BARD1: variants seen among roughly 807,000 people sequenced by gnomAD.
The protein encoded by BARD1 is BRCA1-associated RING domain protein 1.
Under a neutral mutation model 77.0 loss-of-function variants are expected in BARD1, and 73 were observed. The observed-to-expected ratio is 0.95, with a 90% CI of 0.79 to 1.15. The LOEUF is 1.15. Ranked by LOEUF, BARD1 falls within the 50% of genes most tolerant of loss-of-function variation. The pLI, the probability that BARD1 is intolerant of heterozygous loss-of-function variation, is 0.00. For synonymous variants in BARD1, 384 were observed against 338.0 expected, an observed-to-expected ratio of 1.14 and a Z score of -1.49; for missense variants, 993 against 938.8, an observed-to-expected ratio of 1.06 and a Z score of -0.75.
chr2:214,785,670 A>C (rs1695239249), intron 3 of BARD1, among the ~76,000 whole-genome samples: 1 of 151,886 alleles, frequency 6.6e-6, no homozygotes, highest in Non-Finnish European at 1.5e-5. Context: ...CTGGCACTCT[A>C]TCTCTCCACA....
In BARD1 at chr2:214,796,906, T is replaced by C. The variant is rs1245605539; in HGVS notation, c.215+155A>G. Reference sequence around the variant, plus strand: ...TTCTTATTTGTAAATTAAGACACAGTTTTAAAGATCAAACTAAGATAATGT... The same window carrying C: ...TTCTTATTTGTAAATTAAGACACAGCTTTAAAGATCAAACTAAGATAATGT... On this transcript the variant is annotated intron_variant, in intron 2 of 10. Transcript: ENST00000260947. 15 of 675,034 alleles carry C rather than the reference T, an allele frequency of 2.2e-5. No individual in the cohort carries two copies. The African/African-American group carries it at 2.3e-4, about 10-fold the overall frequency. The allele number at this position is 675,034 out of a possible 1,614,324, so 41.8% of individuals were successfully genotyped here. A position where few individuals can be genotyped will look rare whatever the true frequency, so the allele number is the denominator to read the frequency against.
At chr2:214,730,364 A>G in intron 10 of BARD1, 47 bp downstream of exon 10, 2 of 1,494,166 alleles carry the variant, frequency 1.3e-6, no homozygotes, top group African/African-American at 2.8e-5. Flanking sequence ...TGATAATAAT[A>G]GTATGTCATA....
At chr2:214,765,826 C>A (rs1228580375) in intron 6 of BARD1, among the ~76,000 whole-genome samples, 1 of 151,998 alleles carries the variant, frequency 6.6e-6, no homozygotes, top group Non-Finnish European at 1.5e-5. Context: ...TATCTTATAA[C>A]CTGTGATGAG....
intron 7 of BARD1, among the ~76,000 whole-genome samples, chr2:214,751,073 G>T: frequency 8.5e-6 from 1 of 117,164 alleles, no homozygotes; most frequent in African/African-American, 3.4e-5. Flanking sequence ...CTTTCTCTGT[G>T]AAATTCTGTG....
chr2:214,798,347 A>C (rs1402310373), intron 1 of BARD1, among the ~76,000 whole-genome samples: 2 of 152,102 alleles, frequency 1.3e-5, no homozygotes, highest in Non-Finnish European at 1.5e-5. Flanking sequence ...ACGTACAGAT[A>C]AAAATATGAC....
At chr2:214,761,302 A>T (rs1476805827) in intron 6 of BARD1, among the ~76,000 whole-genome samples, 1 of 149,148 alleles carries the variant, frequency 6.7e-6, no homozygotes, top group South Asian at 2.1e-4. Flanking sequence ...AAAAAAAAAA[A>T]GCATTCTGAT....
intron 9 of BARD1, among the ~76,000 whole-genome samples, chr2:214,739,475 T>G (rs78309157): frequency 0.018 from 2,716 of 152,250 alleles, 49 homozygotes; most frequent in East Asian, 0.084. Flanking sequence ...GATTATATTT[T>G]AGACTTTTTA....
At chr2:214,789,126 CAAAG>C (rs1695405216) in intron 3 of BARD1, among the ~76,000 whole-genome samples, 2 of 152,006 alleles carry the variant, frequency 1.3e-5, no homozygotes, top group African/African-American at 4.8e-5. Context: ...ATCAAAGTAG[CAAAG>C]AAAGATACTA....
At chr2:214,746,965 G>C (rs1220376794) in intron 7 of BARD1, among the ~76,000 whole-genome samples, 1 of 152,014 alleles carries the variant, frequency 6.6e-6, no homozygotes, top group African/African-American at 2.4e-5. Context: ...ATCTGACAAA[G>C]GGCTAATATC....
intron 4 of BARD1, among the ~76,000 whole-genome samples, chr2:214,778,651 T>G (rs1263856274): frequency 1.3e-5 from 2 of 152,130 alleles, no homozygotes; most frequent in African/African-American, 4.8e-5. Context: ...TCACCCAATT[T>G]TGTACGTAAG....
chr2:214,734,851 G>C (rs1267056023), intron 9 of BARD1, among the ~76,000 whole-genome samples: 1 of 152,100 alleles, frequency 6.6e-6, no homozygotes, highest in Non-Finnish European at 1.5e-5. Flanking sequence ...GCTACCAAAA[G>C]TACTTGTATC....
chr2:214,799,742 C>G (rs1695930862), intron 1 of BARD1, among the ~76,000 whole-genome samples: 1 of 152,162 alleles, frequency 6.6e-6, no homozygotes, highest in African/African-American at 2.4e-5. Flanking sequence ...ACCTCCCATT[C>G]TACCTTCTGC....
chr2:214,797,006 T>C lies in BARD1; in HGVS notation c.215+55A>G, dbSNP rs186347907. On this transcript the variant is annotated intron_variant, in intron 2 of 10. Transcript: ENST00000260947. ...ATTATTATCAACAAGATTACATGAT[T>C]GTTATCTAGTAAAAAATACAGTTGT... 1.7e-5 allele frequency: 22 copies of C among 1,322,490 alleles called. No individual in the cohort carries two copies. In the Admixed American group the frequency reaches 3.7e-4, roughly 22 times the overall value. 81.9% of individuals were successfully genotyped at this position (1,322,490 alleles called of 1,614,324 possible).
chr2:214,768,176 T>C (rs1386358507), intron 5 of BARD1, among the ~76,000 whole-genome samples: 1 of 152,218 alleles, frequency 6.6e-6, no homozygotes, highest in Non-Finnish European at 1.5e-5. Flanking sequence ...GCTTGCTGAA[T>C]GACAGAAACG....
intron 4 of BARD1, among the ~76,000 whole-genome samples, chr2:214,774,616 A>C (rs1694658892): frequency 6.6e-6 from 1 of 152,214 alleles, no homozygotes. Context: ...CTAAATGGTA[A>C]ATGAGCATTG....
chr2:214,725,897 C>A lies in BARD1; in HGVS notation c.*2779G>T. On this transcript the variant is annotated 3_prime_UTR_variant, in exon 11 of 11. Coordinates refer to ENST00000260947, the MANE Select transcript of BARD1 (RefSeq NM_000465.4). Reference sequence around the variant, plus strand: ...GAATATGATTAATGCATTTTCCACACTGACCCATGGAAACAATAACAGCTA... The same window carrying A: ...GAATATGATTAATGCATTTTCCACAATGACCCATGGAAACAATAACAGCTA... 1 of 225,168 alleles carries A rather than the reference C, an allele frequency of 4.4e-6. No homozygotes were observed. Among genetic ancestry groups the A allele is most frequent in the Non-Finnish European group, 8.8e-6 (1 of 113,012 alleles). The allele number at this position is 225,168 out of a possible 1,614,324, so 13.9% of individuals were successfully genotyped here.
At chr2:214,761,985 A>G (rs1693987301) in intron 6 of BARD1, among the ~76,000 whole-genome samples, 1 of 152,182 alleles carries the variant, frequency 6.6e-6, no homozygotes, top group South Asian at 2.1e-4. Context: ...GCTCTCCTAT[A>G]TATCAAGAAT....
intron 10 of BARD1, chr2:214,730,103 T>C: frequency 2.5e-6 from 1 of 406,494 alleles, no homozygotes; most frequent in Non-Finnish European, 4.6e-6. Flanking sequence ...AGACATATGG[T>C]AACTAAATCC....
At chr2:214,730,379 G>T in intron 10 of BARD1, 32 bp downstream of exon 10, 2 of 1,560,802 alleles carry the variant, frequency 1.3e-6, no homozygotes, top group Non-Finnish European at 8.8e-7. Context: ...GTCATAATAA[G>T]AACAATGAAA....
Sources: allele counts gnomAD v4.1 joint callset (sites outside exome capture counted in the v4.1 genomes callset), GRCh38; gene constraint gnomAD v4.1.1; transcripts MANE v1.5; gene names NCBI Gene and HGNC (gene_info 2026-07-23, HGNC 2026-07-21).